Variants in LCP1 observed in about 807,000 individuals in gnomAD.
The protein encoded by LCP1 is plastin-2.
Under a neutral mutation model 72.0 loss-of-function variants are expected in LCP1, and 23 were observed. That is an observed-to-expected ratio of 0.32 (90% CI 0.23 to 0.45). LCP1 has a LOEUF of 0.45. Among genes scored for constraint, LCP1 ranks in the 20% least tolerant of loss-of-function variants. The pLI is 1.00. For synonymous variants in LCP1, 245 were observed against 275.4 expected, an observed-to-expected ratio of 0.89 and a Z score of 1.09; for missense variants, 571 against 748.3, an observed-to-expected ratio of 0.76 and a Z score of 2.76.
At chr13:46,129,632 C>T (rs1026901902) in intron 15 of LCP1, among the ~76,000 whole-genome samples, 8 of 151,952 alleles carry the variant, frequency 5.3e-5, no homozygotes, top group African/African-American at 1.7e-4. Context: ...TTTGGCATCC[C>T]GAGAGCACAG....
At chr13:46,135,025 C>T (rs1414598108) in intron 13 of LCP1, among the ~76,000 whole-genome samples, 2 of 146,274 alleles carry the variant, frequency 1.4e-5, no homozygotes, top group Non-Finnish European at 3.0e-5. Flanking sequence ...AGGAGGATTG[C>T]TTGAGCCTGG....
intron 4 of LCP1, 105 bp downstream of exon 4, chr13:46,158,417 T>C (rs28733516): frequency 1.5e-6 from 2 of 1,325,084 alleles, no homozygotes; most frequent in Non-Finnish European, 2.1e-6. Context: ...GAGTCATCCA[T>C]AAAGCTGTGT....
intron 1 of LCP1, among the ~76,000 whole-genome samples, chr13:46,178,569 G>A (rs3783207): frequency 0.54 from 82,183 of 151,654 alleles, 22,434 homozygotes; most frequent in East Asian, 0.76. Flanking sequence ...TAAGGAGTGC[G>A]CTTCCATCTG....
chr13:46,141,471 T>C (rs898311621), intron 13 of LCP1, among the ~76,000 whole-genome samples: 4 of 136,600 alleles, frequency 2.9e-5, no homozygotes, highest in African/African-American at 1.1e-4. Context: ...AAACCTGTAA[T>C]AAAGAGAAAT....
intron 12 of LCP1, 37 bp from the exon 13 acceptor site, chr13:46,142,462 A>G (rs1186412180): frequency 6.2e-7 from 1 of 1,601,220 alleles, no homozygotes; most frequent in Non-Finnish European, 8.6e-7. Context: ...TAACGTCATC[A>G]TCTTGATTAT....
intron 14 of LCP1, among the ~76,000 whole-genome samples, chr13:46,132,451 C>G (rs1455348215): frequency 2.0e-5 from 3 of 152,174 alleles, no homozygotes. Flanking sequence ...TAGCCATACT[C>G]TTAGGAAGTT....
At chr13:46,171,890 T>C (rs1414191077) in intron 1 of LCP1, among the ~76,000 whole-genome samples, 6 of 152,274 alleles carry the variant, frequency 3.9e-5, no homozygotes, top group African/African-American at 1.2e-4. Context: ...TGCAACCAAA[T>C]GTGGATGGAA....
chr13:46,148,245 G>A, intron 9 of LCP1, 107 bp downstream of exon 9: 2 of 746,758 alleles, frequency 2.7e-6, no homozygotes, highest in Non-Finnish European at 4.5e-6. Flanking sequence ...GCTTTAGGCA[G>A]AAATGCCCAG....
At chr13:46,154,943 A>T in intron 5 of LCP1, 57 bp from the exon 6 acceptor site, 1 of 1,321,352 alleles carries the variant, frequency 7.6e-7, no homozygotes, top group East Asian at 2.3e-5. Flanking sequence ...AGAGCCCAGT[A>T]ACGTTGAATT....
intron 1 of LCP1, among the ~76,000 whole-genome samples, chr13:46,164,185 C>T (rs1038082070): frequency 2.6e-5 from 4 of 152,100 alleles, no homozygotes; most frequent in African/African-American, 7.2e-5. Flanking sequence ...GATTTTAGAG[C>T]GCTATCAGCA....
At chr13:46,165,760 T>C (rs1377541696) in intron 1 of LCP1, among the ~76,000 whole-genome samples, 7 of 152,182 alleles carry the variant, frequency 4.6e-5, no homozygotes, top group African/African-American at 1.7e-4. Context: ...AATCCCCTTC[T>C]GAATTACTGC....
intron 1 of LCP1, among the ~76,000 whole-genome samples, chr13:46,160,033 T>C (rs1307590172): frequency 6.6e-6 from 1 of 152,220 alleles, no homozygotes; most frequent in African/African-American, 2.4e-5. Flanking sequence ...AAACTTCTGC[T>C]TCCTTCTTTT....
At chr13:46,161,655 AG>A (rs1028793682) in intron 1 of LCP1, among the ~76,000 whole-genome samples, 1 of 152,134 alleles carries the variant, frequency 6.6e-6, no homozygotes, top group African/African-American at 2.4e-5. Context: ...ATTTGAGCTA[AG>A]TTACAAAGAT....
chr13:46,165,962 GA>G (rs57234058), intron 1 of LCP1, among the ~76,000 whole-genome samples: 3 of 150,114 alleles, frequency 2.0e-5, no homozygotes, highest in Admixed American at 6.6e-5. Flanking sequence ...AAAACCTTAA[GA>G]AAAAAAAAGC....
intron 8 of LCP1, among the ~76,000 whole-genome samples, chr13:46,150,220 A>G (rs1178023421): frequency 3.3e-5 from 5 of 152,302 alleles, no homozygotes; most frequent in Non-Finnish European, 5.9e-5. Flanking sequence ...GCATCCCAGC[A>G]TCTCCTACTC....
intron 9 of LCP1, among the ~76,000 whole-genome samples, 157 bp downstream of exon 9, chr13:46,148,195 T>C (rs1329971946): frequency 6.6e-6 from 1 of 152,230 alleles, no homozygotes; most frequent in African/African-American, 2.4e-5. Flanking sequence ...TTTCATCAAT[T>C]ATTATCCCAA....
At chr13:46,157,741 CTTTTTTTTTTTTT>C (rs548259648) in intron 4 of LCP1, among the ~76,000 whole-genome samples, 1 of 99,790 alleles carries the variant, frequency 1.0e-5, no homozygotes, top group African/African-American at 4.1e-5. Context: ...CATGACTTAT[CTTTTTTTTTTTTT>C]TTTTTTTTTT....
At chr13:46,164,030 C>T (rs890947238) in intron 1 of LCP1, among the ~76,000 whole-genome samples, 18 of 152,154 alleles carry the variant, frequency 1.2e-4, no homozygotes, top group Non-Finnish European at 1.8e-4. Context: ...CTACTATAAG[C>T]CAGGTGCTAT....
At position 46,160,553 on chromosome 13, in the gene LCP1, T is replaced by C. The variant is rs79012506; in HGVS notation, c.-24-867A>G. Among the ~76,000 whole-genome samples the C allele has an allele frequency of 5.3e-3, 808 of 152,348 alleles. 4 individuals are homozygous for C. Among genetic ancestry groups the C allele is most frequent in the African/African-American group, 0.019 (779 of 41,586 alleles). ...GAACAAAGGGAAGCTGACCCTCTCA[T>C]AATTCAGCTATGGGAATCTGAGGCG... is the stretch of plus-strand genomic sequence containing the variant. On this transcript the variant is annotated intron_variant, in intron 1 of 15. Coordinates refer to ENST00000323076, the MANE Select transcript of LCP1 (RefSeq NM_002298.5).
Sources: allele counts gnomAD v4.1 joint callset (sites outside exome capture counted in the v4.1 genomes callset), GRCh38; gene constraint gnomAD v4.1.1; transcripts MANE v1.5; gene names NCBI Gene and HGNC (gene_info 2026-07-23, HGNC 2026-07-21).